The following CTNNA3 variants were observed in gnomAD, a reference collection of about 807,000 sequenced individuals.
CTNNA3 encodes the protein catenin alpha-3.
Under a neutral mutation model 95.7 loss-of-function variants are expected in CTNNA3, and 76 were observed. The ratio of observed to expected loss-of-function variants is 0.79; its 90% CI spans 0.66 to 0.96. CTNNA3 has a LOEUF of 0.96. Among genes scored for constraint, CTNNA3 ranks in the 40% least tolerant of loss-of-function variants. The pLI, the probability that CTNNA3 is intolerant of heterozygous loss-of-function variation, is 0.00. For missense variants in CTNNA3, 1,191 were observed against 1,089.8 expected (o/e 1.09, Z -1.31); for synonymous variants, 431 against 374.4 (o/e 1.15, Z -1.74).
At chr10:66,980,929 A>G (rs1035038356) in intron 7 of CTNNA3, among the ~76,000 whole-genome samples, 9 of 145,378 alleles carry the variant, frequency 6.2e-5, no homozygotes, top group Non-Finnish European at 1.1e-4. Flanking sequence ...TTTTTGAGAC[A>G]GAGTTTCACT....
At chr10:67,191,343 G>A (rs1012762759) in intron 6 of CTNNA3, among the ~76,000 whole-genome samples, 1 of 151,858 alleles carries the variant, frequency 6.6e-6, no homozygotes, top group East Asian at 1.9e-4. Flanking sequence ...ATAATATTAT[G>A]TATAGAAAAC....
At chr10:66,595,362 G>T (rs1467144888) in intron 10 of CTNNA3, among the ~76,000 whole-genome samples, 1 of 148,532 alleles carries the variant, frequency 6.7e-6, no homozygotes, top group Admixed American at 6.7e-5. Flanking sequence ...ATTATTATTT[G>T]AGACAGAGTC....
intron 5 of CTNNA3, among the ~76,000 whole-genome samples, chr10:67,517,086 T>C (rs1290555185): frequency 1.3e-5 from 2 of 152,346 alleles, no homozygotes; most frequent in Admixed American, 6.5e-5. Context: ...CTCTTCAAGA[T>C]ACTGATTCCA....
chr10:67,504,563 G>A (rs1839374610), intron 5 of CTNNA3, among the ~76,000 whole-genome samples: 1 of 151,646 alleles, frequency 6.6e-6, no homozygotes, highest in Non-Finnish European at 1.5e-5. Flanking sequence ...GTTTGGAGTA[G>A]AAGAAAAATG....
At chr10:66,707,439 A>C (rs1169173439) in intron 9 of CTNNA3, among the ~76,000 whole-genome samples, 1 of 151,828 alleles carries the variant, frequency 6.6e-6, no homozygotes, top group Non-Finnish European at 1.5e-5. Context: ...AAAATCTTTG[A>C]GGGCAGGGCT....
chr10:66,320,378 T>C (rs78960170), intron 12 of CTNNA3, among the ~76,000 whole-genome samples: 15,261 of 152,132 alleles, frequency 0.1, 1,060 homozygotes, highest in East Asian at 0.23. Context: ...TTGATGTCTA[T>C]CTTGGCATTA....
intron 11 of CTNNA3, among the ~76,000 whole-genome samples, chr10:66,429,901 A>C (rs2093279216): frequency 6.6e-6 from 1 of 151,862 alleles, no homozygotes; most frequent in African/African-American, 2.4e-5. Context: ...AGTTCTGGCC[A>C]GGGCAATCAG....
Position 66,729,934 on chromosome 10 carries a change from C to T in CTNNA3, c.1281+36330G>A, listed in dbSNP as rs185807644. ...CCTGGCTAATGCGGTGAAACCCTGT[C>T]TCTACTAAAAATACAAAAAAAATTA... On this transcript the variant is annotated intron_variant, in intron 9 of 17. Transcript: ENST00000433211. 2.0e-4 allele frequency among the ~76,000 whole-genome samples: 30 copies of T among 151,538 alleles called. No individual in the cohort carries two copies. The East Asian group carries it at 5.9e-3, about 30-fold the overall frequency.
chr10:66,999,678 A>G (rs2132978586), intron 7 of CTNNA3, among the ~76,000 whole-genome samples: 1 of 152,320 alleles, frequency 6.6e-6, no homozygotes, highest in East Asian at 1.9e-4. Flanking sequence ...GCCTTAACTT[A>G]GATAGAAAGT....
intron 9 of CTNNA3, among the ~76,000 whole-genome samples, chr10:66,748,561 T>C (rs1838981601): frequency 6.6e-6 from 1 of 152,306 alleles, no homozygotes; most frequent in South Asian, 2.1e-4. Flanking sequence ...ATTAAAATTT[T>C]CATGAATAAA....
intron 11 of CTNNA3, among the ~76,000 whole-genome samples, chr10:66,409,798 C>T (rs890417754): frequency 2.0e-5 from 3 of 152,136 alleles, no homozygotes; most frequent in African/African-American, 7.2e-5. Context: ...ACATTTAAAA[C>T]CAAGAACCTG....
At chr10:67,253,962 T>C (rs1259734408) in intron 5 of CTNNA3, among the ~76,000 whole-genome samples, 1 of 152,208 alleles carries the variant, frequency 6.6e-6, no homozygotes, top group Non-Finnish European at 1.5e-5. Flanking sequence ...GTCCACTATA[T>C]AAACGGCAGT....
intron 1 of CTNNA3, among the ~76,000 whole-genome samples, chr10:67,748,747 A>G (rs933709371): frequency 2.0e-5 from 3 of 152,242 alleles, no homozygotes; most frequent in Admixed American, 1.3e-4. Flanking sequence ...AAATTCACAC[A>G]TAACAATTTT....
At chr10:67,212,499 T>A (rs1864179504) in intron 6 of CTNNA3, among the ~76,000 whole-genome samples, 1 of 151,990 alleles carries the variant, frequency 6.6e-6, no homozygotes, top group Admixed American at 6.6e-5. Flanking sequence ...TGTATTACTA[T>A]AATTTACTCA....
intron 15 of CTNNA3, among the ~76,000 whole-genome samples, chr10:66,048,255 A>T (rs372004422): frequency 6.6e-6 from 1 of 152,254 alleles, no homozygotes; most frequent in Non-Finnish European, 1.5e-5. Flanking sequence ...TCAAAAATGC[A>T]TGGTACTGGT....
At position 66,201,783 on chromosome 10, in the gene CTNNA3, C is replaced by CTTTTTT. The variant is rs1236010501; in HGVS notation, c.1884+78681_1884+78686dup. On this transcript the variant is annotated intron_variant, in intron 13 of 17. Transcript: ENST00000433211. ...GATTGTTGCTGTCTTTTTACTTTTT[C>CTTTTTT]TTTTTTTTTTTTTTTTTTTTTTGAG... Among the ~76,000 whole-genome samples the CTTTTTT allele has an allele frequency of 5.7e-3, 450 of 79,174 alleles. 13 individuals are homozygous for CTTTTTT. Among genetic ancestry groups the CTTTTTT allele is most frequent in the Middle Eastern group, 0.014 (1 of 70 alleles). The allele number at this position is 79,174 out of a possible 152,430, so 51.9% of individuals were successfully genotyped here.
At chr10:66,302,175 T>C (rs1023331054) in intron 12 of CTNNA3, among the ~76,000 whole-genome samples, 7 of 152,066 alleles carry the variant, frequency 4.6e-5, no homozygotes, top group Non-Finnish European at 1.0e-4. Flanking sequence ...AAAGAAGATC[T>C]ACATAAATGG....
rs546128661 is a variant in CTNNA3 at position 66,766,300 on chromosome 10, A to G, written c.1245T>C (p.Ala415=). 6.2e-7 allele frequency: 1 copy of G among 1,613,942 alleles called. No homozygotes were observed. The highest frequency in any genetic ancestry group is 1.3e-5 in the African/African-American group (1 of 75,030). The part of the protein sequence containing the change: ...NGREKEIKEY[A]AIFHEHTSRL... ...TGCTGGTGTGTTCATGAAATATCGC[A>G]GCATATTCTTTTATTTCCTTTTCCC... is the stretch of plus-strand genomic sequence containing the variant. Residue 415 remains alanine (A), a synonymous_variant, in exon 9 of 18, where the codon GCT becomes GCC. Coordinates refer to ENST00000433211, the MANE Select transcript of CTNNA3 (RefSeq NM_013266.4).
At position 67,695,999 on chromosome 10, in the gene CTNNA3, C is replaced by T. The variant is rs897223772; in HGVS notation, c.-6+1G>A. On this transcript the variant is annotated splice_donor_variant, in intron 1 of 17. Coordinates refer to ENST00000433211, the MANE Select transcript of CTNNA3 (RefSeq NM_013266.4). LOFTEE classifies it low-confidence loss of function (5UTR_SPLICE). Reference sequence around the variant, plus strand: ...CTTCTCTTTACAAACTTGATTCTTACCTTTCTGTTTCTTCCTATAAAGTAA... The same window carrying T: ...CTTCTCTTTACAAACTTGATTCTTATCTTTCTGTTTCTTCCTATAAAGTAA... The T allele has an allele frequency of 5.3e-5, 8 of 152,022 alleles. No individual in the cohort carries two copies. Among genetic ancestry groups the T allele is most frequent in the Non-Finnish European group, 1.0e-4 (7 of 68,014 alleles). The allele number at this position is 152,022 out of a possible 1,614,324, so 9.4% of individuals were successfully genotyped here.
Sources: allele counts gnomAD v4.1 joint callset (sites outside exome capture counted in the v4.1 genomes callset), GRCh38; gene constraint gnomAD v4.1.1; transcripts MANE v1.5; gene names NCBI Gene and HGNC (gene_info 2026-07-23, HGNC 2026-07-21).